Variants in GRIK2 observed in about 807,000 individuals in gnomAD.
GRIK2 encodes glutamate receptor ionotropic, kainate 2.
In GRIK2, 32 loss-of-function variants were observed where a neutral mutation model predicts 100.3. The ratio of observed to expected loss-of-function variants is 0.32; its 90% CI spans 0.24 to 0.43. The LOEUF is 0.43. Among genes scored for constraint, GRIK2 ranks in the 20% least tolerant of loss-of-function variants. The pLI, the probability that GRIK2 is intolerant of heterozygous loss-of-function variation, is 1.00. For synonymous variants in GRIK2, 417 were observed against 389.4 expected, an observed-to-expected ratio of 1.07 and a Z score of -0.83; for missense variants, 843 against 1,114.9, an observed-to-expected ratio of 0.76 and a Z score of 3.47.
chr6:101,924,779 A>C, intron 13 of GRIK2, 60 bp downstream of exon 13: 1 of 1,048,688 alleles, frequency 9.5e-7, no homozygotes, highest in Non-Finnish European at 1.5e-6. Flanking sequence ...GCTGGGGGTG[A>C]CAGCTCTTGC....
chr6:101,973,676 T>A (rs1307103549), intron 14 of GRIK2, among the ~76,000 whole-genome samples: 1 of 151,946 alleles, frequency 6.6e-6, no homozygotes, highest in Non-Finnish European at 1.5e-5. Context: ...TGTGATAATA[T>A]TGTCAAGTAT....
intron 2 of GRIK2, among the ~76,000 whole-genome samples, chr6:101,517,893 G>A (rs950481492): frequency 2.0e-5 from 3 of 151,808 alleles, no homozygotes; most frequent in Admixed American, 2.0e-4. Flanking sequence ...GTCAATGTTG[G>A]TCTTGGTAGT....
chr6:101,676,592 A>ATT, intron 4 of GRIK2, 31 bp from the exon 5 acceptor site: 1 of 1,293,968 alleles, frequency 7.7e-7, no homozygotes, highest in South Asian at 1.4e-5. Flanking sequence ...TATCTCTAAT[A>ATT]TTCTTTTTTT....
chr6:101,754,659 G>C (rs1369204612), intron 7 of GRIK2, among the ~76,000 whole-genome samples: 1 of 152,198 alleles, frequency 6.6e-6, no homozygotes, highest in Non-Finnish European at 1.5e-5. Context: ...TGTGAAGGAG[G>C]ACAGGGTACT....
chr6:102,039,033 A>G (rs1216955523), intron 15 of GRIK2, among the ~76,000 whole-genome samples: 2 of 151,312 alleles, frequency 1.3e-5, no homozygotes, highest in Admixed American at 1.3e-4. Flanking sequence ...AAAATTGTGC[A>G]TATATCCACC....
chr6:101,435,585 G>C (rs1283394933), intron 2 of GRIK2, among the ~76,000 whole-genome samples: 1 of 151,990 alleles, frequency 6.6e-6, no homozygotes, highest in Admixed American at 6.6e-5. Flanking sequence ...CTCCATGCCA[G>C]TGGCTTAGTA....
intron 2 of GRIK2, among the ~76,000 whole-genome samples, chr6:101,556,734 G>A (rs1242105826): frequency 2.6e-5 from 4 of 152,134 alleles, no homozygotes; most frequent in Non-Finnish European, 5.9e-5. Context: ...GGTAACAGGT[G>A]TGGGATATGG....
intron 14 of GRIK2, among the ~76,000 whole-genome samples, chr6:102,012,891 TG>T (rs1422952371): frequency 6.6e-6 from 1 of 152,194 alleles, no homozygotes; most frequent in African/African-American, 2.4e-5. Flanking sequence ...TTGCTCTTTT[TG>T]CTTAGGAGTG....
intron 4 of GRIK2, among the ~76,000 whole-genome samples, chr6:101,661,776 G>T (rs988738365): frequency 7.2e-5 from 11 of 152,090 alleles, no homozygotes; most frequent in African/African-American, 2.4e-4. Flanking sequence ...GCCCCACCAT[G>T]ATTTGGCTTG....
At chr6:101,561,861 C>T (rs1777035676) in intron 2 of GRIK2, among the ~76,000 whole-genome samples, 2 of 152,020 alleles carry the variant, frequency 1.3e-5, no homozygotes, top group Admixed American at 6.6e-5. Context: ...TTCCAGCATG[C>T]CTGGGGCACC....
chr6:101,718,621 T>C (rs1452446910), intron 7 of GRIK2, among the ~76,000 whole-genome samples: 1 of 152,030 alleles, frequency 6.6e-6, no homozygotes, highest in African/African-American at 2.4e-5. Context: ...CCTTCCAGTG[T>C]ATTGTGAAAA....
chr6:101,922,096 C>CTTCT (rs1789568561), intron 12 of GRIK2, among the ~76,000 whole-genome samples: 1 of 20,248 alleles, frequency 4.9e-5, no homozygotes, highest in Non-Finnish European at 1.1e-4. Context: ...TCCTTCCTTC[C>CTTCT]TTCCTTCCTT....
intron 16 of GRIK2, chr6:102,065,852 T>C (rs1406752118): frequency 6.7e-7 from 1 of 1,490,840 alleles, no homozygotes; most frequent in Admixed American, 2.3e-5. Flanking sequence ...TTGGAGTCAG[T>C]TTCCATTTCT....
At chr6:101,738,763 C>T (rs1775841991) in intron 7 of GRIK2, among the ~76,000 whole-genome samples, 1 of 152,138 alleles carries the variant, frequency 6.6e-6, no homozygotes, top group Admixed American at 6.5e-5. Flanking sequence ...TGTTCTCTAC[C>T]TAATATACGC....
chr6:101,854,689 T>C lies in GRIK2; in HGVS notation c.1318-4598T>C, dbSNP rs949325387. On this transcript the variant is annotated intron_variant, in intron 10 of 16. Transcript: ENST00000369134. ...TCCCCTAACAACTTTAAATGTATTGTTAAATATATTTAGAAATTAGAAAAT... is the reference window on the plus strand; with the variant it reads ...TCCCCTAACAACTTTAAATGTATTGCTAAATATATTTAGAAATTAGAAAAT... Among the ~76,000 whole-genome samples, 6 of 152,338 alleles carry C rather than the reference T, an allele frequency of 3.9e-5. 1 individual carries two copies. The East Asian group carries it at 1.2e-3, about 29-fold the overall frequency.
chr6:101,887,633 T>C (rs1362767705), intron 11 of GRIK2, among the ~76,000 whole-genome samples: 4 of 152,022 alleles, frequency 2.6e-5, no homozygotes, highest in East Asian at 3.9e-4. Flanking sequence ...GTAAGCTGTA[T>C]AGGAAGCATG....
At chr6:101,634,551 G>C (rs1327266140) in intron 4 of GRIK2, among the ~76,000 whole-genome samples, 2 of 151,942 alleles carry the variant, frequency 1.3e-5, no homozygotes, top group African/African-American at 4.8e-5. Context: ...CCCTTCATTT[G>C]AACTTCTTTG....
chr6:101,761,285 A>G (rs971508934), intron 7 of GRIK2, among the ~76,000 whole-genome samples: 9 of 152,152 alleles, frequency 5.9e-5, no homozygotes, highest in African/African-American at 2.2e-4. Flanking sequence ...GAGCAATAAT[A>G]AAGGAAAATG....
At chr6:101,608,044 A>G (rs1779511432) in intron 2 of GRIK2, among the ~76,000 whole-genome samples, 1 of 151,530 alleles carries the variant, frequency 6.6e-6, no homozygotes. Context: ...TTATTTAAAA[A>G]TTTAAAGTTA....
Sources: gnomAD v4.1 joint callset for allele counts (sites outside exome capture counted in the v4.1 genomes callset) on GRCh38, gnomAD v4.1.1 for gene constraint, MANE v1.5 for transcripts, NCBI Gene and HGNC (gene_info 2026-07-23, HGNC 2026-07-21) for gene names.